The following GMEB2 variants were observed in gnomAD, a reference collection of about 807,000 sequenced individuals.
The protein encoded by GMEB2 is glucocorticoid modulatory element binding protein 2.
GMEB2 carries 7 observed loss-of-function variants against 45.7 expected under a neutral mutation model. That is an observed-to-expected ratio of 0.15 (90% CI 0.09 to 0.29). GMEB2 has a LOEUF of 0.29. Ranked by LOEUF, GMEB2 falls within the 10% of genes least tolerant of loss-of-function variation. GMEB2 has a pLI of 1.00. For synonymous variants in GMEB2, 322 were observed against 323.6 expected (o/e 1.00, Z 0.05); for missense variants, 582 against 739.2 (o/e 0.79, Z 2.47).
At chr20:63,597,164 GTTT>G (rs10627120) in intron 5 of GMEB2, among the ~76,000 whole-genome samples, 1 of 132,644 alleles carries the variant, frequency 7.5e-6, no homozygotes, top group African/African-American at 2.8e-5. Context: ...TTTTATTCTT[GTTT>G]TTTTTTTTTT....
At chr20:63,590,940 A>G (rs965835507) in intron 9 of GMEB2, among the ~76,000 whole-genome samples, 1 of 152,078 alleles carries the variant, frequency 6.6e-6, no homozygotes, top group African/African-American at 2.4e-5. Flanking sequence ...CTCGGGGTAG[A>G]CACCAGCCTG....
chr20:63,593,335 A>G lies in GMEB2; in HGVS notation c.620-253T>C, dbSNP rs370552416. On this transcript the variant is annotated intron_variant, in intron 6 of 9. Coordinates refer to ENST00000370077, the MANE Select transcript of GMEB2 (RefSeq NM_012384.5). This position sits in a 1 kb window ranked among gnomAD's most constrained non-coding sequence, Gnocchi z 4.7. ...ACAAATCCCTTGAACCCGTCACCCA[A>G]TTTCAGCAAATCCTCAACACTTTCC... is the stretch of plus-strand genomic sequence containing the variant. 1.3e-5 allele frequency among the ~76,000 whole-genome samples: 2 copies of G among 151,978 alleles called. No homozygotes were observed. The highest frequency in any genetic ancestry group is 4.8e-5 in the African/African-American group (2 of 41,356).
At chr20:63,616,261 T>G (rs574154519) in intron 2 of GMEB2, among the ~76,000 whole-genome samples, 1 of 151,964 alleles carries the variant, frequency 6.6e-6, no homozygotes, top group Admixed American at 6.6e-5. Context: ...CTGGCCAACA[T>G]GGTGAAACCC....
At chr20:63,604,013 C>T (rs1281186734) in intron 3 of GMEB2, among the ~76,000 whole-genome samples, 2 of 146,850 alleles carry the variant, frequency 1.4e-5, no homozygotes, top group African/African-American at 5.1e-5. Flanking sequence ...GAGATCATGC[C>T]ATCACACTCT....
intron 6 of GMEB2, among the ~76,000 whole-genome samples, chr20:63,594,969 A>G (rs952343238): frequency 3.9e-5 from 6 of 152,136 alleles, no homozygotes; most frequent in African/African-American, 1.2e-4. Context: ...GGCTGGCCTC[A>G]AGTGATCCAC....
At chr20:63,598,209 C>T (rs6089934) in intron 4 of GMEB2, among the ~76,000 whole-genome samples, 12,646 of 152,194 alleles carry the variant, frequency 0.083, 688 homozygotes, top group African/African-American at 0.15. Context: ...TATAAATACA[C>T]GTTATTGCAT....
chr20:63,624,986 G>A lies in GMEB2; in HGVS notation c.-58+1970C>T, dbSNP rs543748701. ...CTCCCAAAGTGCTGGGATTACAGGC[G>A]TGAGCCACTGAGCCTGGCCTCCAAT... On this transcript the variant is annotated intron_variant, in intron 1 of 9. Coordinates refer to ENST00000370077, the MANE Select transcript of GMEB2 (RefSeq NM_012384.5). Among the ~76,000 whole-genome samples the A allele has an allele frequency of 3.3e-5, 5 of 152,264 alleles. No homozygotes were observed. In the East Asian group the frequency reaches 7.7e-4, roughly 24 times the overall value.
rs943471174 is a variant in GMEB2 at position 63,598,598 on chromosome 20, C to T, written c.358-738G>A. Among the ~76,000 whole-genome samples the T allele has an allele frequency of 5.3e-5, 8 of 152,160 alleles. No homozygotes were observed. The East Asian group carries it at 7.7e-4, about 15-fold the overall frequency. ...ACCCAGGAGGCCCGAGTACGGGGGC[C>T]GCCTCCACCCCCGGGCCGTGCCCAA... On this transcript the variant is annotated intron_variant, in intron 4 of 9. Transcript: ENST00000370077.
At chr20:63,615,067 C>T (rs1482534753) in intron 2 of GMEB2, among the ~76,000 whole-genome samples, 1 of 152,132 alleles carries the variant, frequency 6.6e-6, no homozygotes, top group Non-Finnish European at 1.5e-5. Context: ...GAAAACCCAC[C>T]AACCCTGTGG....
At chr20:63,598,260 G>A (rs1039548517) in intron 4 of GMEB2, among the ~76,000 whole-genome samples, 1 of 152,048 alleles carries the variant, frequency 6.6e-6, no homozygotes, top group Non-Finnish European at 1.5e-5. Flanking sequence ...GCACATGGGT[G>A]GAGCTGTGAA....
intron 2 of GMEB2, among the ~76,000 whole-genome samples, chr20:63,606,582 C>T (rs2089521113): frequency 1.3e-5 from 2 of 152,246 alleles, no homozygotes; most frequent in African/African-American, 2.4e-5. Context: ...CTCCTGACCT[C>T]GTGATCCTCC....
At chr20:63,612,161 T>TA (rs2089576065) in intron 2 of GMEB2, among the ~76,000 whole-genome samples, 1 of 152,094 alleles carries the variant, frequency 6.6e-6, no homozygotes, top group South Asian at 2.1e-4. Flanking sequence ...GGAAAAAATA[T>TA]AAAAAATAGA....
chr20:63,591,058 G>A (rs3787112), intron 9 of GMEB2, among the ~76,000 whole-genome samples: 27,730 of 152,168 alleles, frequency 0.18, 3,188 homozygotes, highest in East Asian at 0.49. Context: ...TGGAAATGCC[G>A]TCTCAGATCC....
Position 63,604,805 on chromosome 20 carries a change from T to A in GMEB2, c.167A>T (p.Asn56Ile). 6.2e-7 allele frequency: 1 copy of A among 1,611,870 alleles called. No individual in the cohort carries two copies. The highest frequency in any genetic ancestry group is 8.5e-7 in the Non-Finnish European group (1 of 1,178,062). The change falls in exon 3 of 10, where the codon AAT becomes ATT. Residue 56 changes from asparagine to isoleucine, a missense_variant. By Grantham distance (149) the Asn-to-Ile change is moderately radical. Coordinates refer to ENST00000370077, the MANE Select transcript of GMEB2 (RefSeq NM_012384.5). ...DLTEDNMETE[N>I]AAAAAAAAFT... ...GGCCGCGGCAGCTGCTGCCGCTGCA[T>A]TTTCTGTCTCCATGTTATCTTCCGT... is the stretch of plus-strand genomic sequence containing the variant.
intron 1 of GMEB2, among the ~76,000 whole-genome samples, chr20:63,625,001 T>C (rs2089661449): frequency 6.6e-6 from 1 of 152,188 alleles, no homozygotes; most frequent in African/African-American, 2.4e-5. Flanking sequence ...CCACTGAGCC[T>C]GGCCTCCAAT....
chr20:63,620,595 A>G (rs2089637700), intron 1 of GMEB2, among the ~76,000 whole-genome samples: 1 of 152,228 alleles, frequency 6.6e-6, no homozygotes, highest in Admixed American at 6.5e-5. Context: ...GACCTACAGG[A>G]TAGGCCACTG....
At chr20:63,626,709 G>A (rs1214277485) in intron 1 of GMEB2, among the ~76,000 whole-genome samples, 5 of 150,500 alleles carry the variant, frequency 3.3e-5, no homozygotes, top group African/African-American at 7.3e-5. Context: ...CCGAGCCCGC[G>A]CCCGCCCGCG....
At chr20:63,601,257 T>C (rs2083239573) in intron 4 of GMEB2, among the ~76,000 whole-genome samples, 1 of 152,144 alleles carries the variant, frequency 6.6e-6, no homozygotes, top group African/African-American at 2.4e-5. Context: ...GGCAGTGGGG[T>C]CTTCATCCAG....
intron 4 of GMEB2, among the ~76,000 whole-genome samples, chr20:63,600,836 G>A (rs1177488514): frequency 1.3e-5 from 2 of 151,748 alleles, no homozygotes; most frequent in Non-Finnish European, 2.9e-5. Flanking sequence ...CTCCATGAGT[G>A]TCTGCTGTTT....
Sources: allele counts gnomAD v4.1 joint callset (sites outside exome capture counted in the v4.1 genomes callset), GRCh38; gene constraint gnomAD v4.1.1; non-coding constraint Gnocchi (gnomAD v3.1); transcripts MANE v1.5; gene names NCBI Gene and HGNC (gene_info 2026-07-23, HGNC 2026-07-21).